Variants in MIA2 observed in about 807,000 individuals in gnomAD.
MIA2 encodes the protein MIA SH3 domain ER export factor 2, also known as melanoma inhibitory activity protein 2.
Under a neutral mutation model 167.8 loss-of-function variants are expected in MIA2, and 127 were observed. That is an observed-to-expected ratio of 0.76 (90% CI 0.66 to 0.88). MIA2 has a LOEUF of 0.88. MIA2 is among the 40% of genes least tolerant of loss of function. The pLI, the probability that MIA2 is intolerant of heterozygous loss-of-function variation, is 0.00. For synonymous variants in MIA2, 552 were observed against 541.9 expected, an observed-to-expected ratio of 1.02 and a Z score of -0.26; for missense variants, 1,690 against 1,624.7, an observed-to-expected ratio of 1.04 and a Z score of -0.69.
downstream of MIA2, among the ~76,000 whole-genome samples, chr14:39,352,381 C>G (rs1371118979): frequency 2.0e-5 from 3 of 151,732 alleles, no homozygotes; most frequent in Non-Finnish European, 2.9e-5. Context: ...TTTATCTTGT[C>G]TTTGGTTTTG....
chr14:39,337,439 AACTG>A (rs1385946260), intron 25 of MIA2, among the ~76,000 whole-genome samples: 2 of 152,202 alleles, frequency 1.3e-5, no homozygotes, highest in African/African-American at 2.4e-5. Context: ...AACAAGACCT[AACTG>A]ACATTTATAG....
intron 6 of MIA2, chr14:39,267,186 C>T: frequency 1.6e-6 from 2 of 1,225,172 alleles, no homozygotes; most frequent in African/African-American, 3.1e-5. Context: ...GTGGCGAGGA[C>T]AGGGTACGTC....
At chr14:39,336,365 CA>C (rs1319918680) in intron 25 of MIA2, among the ~76,000 whole-genome samples, 4 of 152,154 alleles carry the variant, frequency 2.6e-5, no homozygotes, top group Non-Finnish European at 5.9e-5. Flanking sequence ...GTTTTATTAG[CA>C]AGTATACACC....
At chr14:39,285,762 A>G (rs1398471582) in intron 9 of MIA2, among the ~76,000 whole-genome samples, 1 of 147,364 alleles carries the variant, frequency 6.8e-6, no homozygotes, top group African/African-American at 2.5e-5. Flanking sequence ...CTCACTTCTC[A>G]GACGGGGCGG....
intron 24 of MIA2, among the ~76,000 whole-genome samples, chr14:39,321,376 C>T (rs1036180049): frequency 7.2e-5 from 11 of 152,138 alleles, no homozygotes; most frequent in Non-Finnish European, 1.2e-4. Context: ...TGCAGTGGCG[C>T]GATCTTGGCT....
Position 39,327,021 on chromosome 14 carries a change from A to G in MIA2, c.3654A>G (p.Pro1218=). 6.6e-7 allele frequency: 1 copy of G among 1,512,582 alleles called. No homozygotes were observed. The highest frequency in any genetic ancestry group is 1.4e-5 in the South Asian group (1 of 73,074). 93.7% of individuals were successfully genotyped at this position (1,512,582 alleles called of 1,614,324 possible). ...DQDRRMMFPP[P]GQSYPDSALP... ...ACCGTAGGATGATGTTTCCTCCGCC[A>G]GGTATGTAAAGACAATAGTTATTAT... The change falls in exon 25 of 29, where the codon CCA becomes CCG. Residue 1218 remains proline, a splice_region_variant and synonymous_variant. Coordinates refer to ENST00000640607, the MANE Select transcript of MIA2 (RefSeq NM_001329214.4).
At chr14:39,252,369 A>C (rs901888309) in intron 4 of MIA2, among the ~76,000 whole-genome samples, 4 of 152,160 alleles carry the variant, frequency 2.6e-5, no homozygotes, top group African/African-American at 9.7e-5. Context: ...CTGGCTTTGA[A>C]AATGGAGGAT....
chr14:39,246,920 T>G lies in MIA2; in HGVS notation c.346T>G (p.Phe116Val), dbSNP rs1023233245. The G allele has an allele frequency of 1.3e-6, 2 of 1,507,044 alleles. No individual in the cohort carries two copies. Among genetic ancestry groups the G allele is most frequent in the African/African-American group, 2.8e-5 (2 of 71,462 alleles). The allele number at this position is 1,507,044 out of a possible 1,614,324, so 93.4% of individuals were successfully genotyped here. The change falls in exon 4 of 29, where the codon TTT becomes GTT. Residue 116 changes from phenylalanine (F) to valine (V), a missense_variant. By Grantham distance (50) the Phe-to-Val change is conservative. Transcript: ENST00000640607. ...EIQMSTKESD[F>V]LCLLGVSYTF... ...TATTTTTTCCTTTTAGGAATCTGAC[T>G]TTCTTTGTCTTCTTGGAGTAAGTTA...
chr14:39,248,072 T>C lies in MIA2; in HGVS notation c.1498T>C (p.Phe500Leu). 2 of 1,566,532 alleles carry C rather than the reference T, an allele frequency of 1.3e-6. No individual in the cohort carries two copies. Among genetic ancestry groups the C allele is most frequent in the Non-Finnish European group, 1.7e-6 (2 of 1,164,326 alleles). The change falls in exon 4 of 29, where the codon TTT becomes CTT. Residue 500 changes from phenylalanine to leucine, a missense_variant. Phe to Leu is a conservative substitution (Grantham distance 22). Coordinates refer to ENST00000640607, the MANE Select transcript of MIA2 (RefSeq NM_001329214.4). Reference sequence around the variant, plus strand: ...AATTGAAAATGAAGAAACTGGAGAATTTTCCATTGATAATTATCCCACAGA... The same window carrying C: ...AATTGAAAATGAAGAAACTGGAGAACTTTCCATTGATAATTATCCCACAGA... ...NVIENEETGE[F>L]SIDNYPTDNT...
chr14:39,293,879 G>T (rs1595181208), intron 11 of MIA2, 121 bp from the exon 12 acceptor site: 1 of 733,306 alleles, frequency 1.4e-6, no homozygotes, highest in Non-Finnish European at 2.3e-6. Context: ...AACTGAGAAG[G>T]TTTCTTAATT....
chr14:39,387,354 T>A (rs553751138), exon 24 of MIA2: 1 of 162,564 alleles, frequency 6.2e-6, no homozygotes, highest in Admixed American at 6.5e-5. Context: ...TTCCATGGAA[T>A]CCATGGAATG....
intron 23 of MIA2, among the ~76,000 whole-genome samples, chr14:39,365,664 TATCTATCTATCTATC>T (rs1567053090): frequency 5.3e-5 from 2 of 37,518 alleles, no homozygotes; most frequent in Non-Finnish European, 9.6e-5. Context: ...TCTATCTATC[TATCTATCTATCTATC>T]TATCTATCTA....
In MIA2 at chr14:39,366,603, G is replaced by A. The variant is rs533506356; in HGVS notation, c.2248+17626G>A. On this transcript the variant is annotated intron_variant, in intron 23 of 23. Coordinates refer to the MIA2 transcript ENST00000341502. Reference sequence around the variant, plus strand: ...GCACAGATGCCAGCAGTGGTGGATGGGTTGGGCTGATCCCCACGCCCTTGG... The same window carrying A: ...GCACAGATGCCAGCAGTGGTGGATGAGTTGGGCTGATCCCCACGCCCTTGG... Among the ~76,000 whole-genome samples, 6 of 152,294 alleles carry A rather than the reference G, an allele frequency of 3.9e-5. No homozygotes were observed. The East Asian group carries it at 9.7e-4, about 25-fold the overall frequency.
intron 2 of MIA2, among the ~76,000 whole-genome samples, chr14:39,238,852 T>C (rs1031975385): frequency 6.7e-6 from 1 of 148,482 alleles, no homozygotes; most frequent in African/African-American, 2.5e-5. Flanking sequence ...GCTTTTTATT[T>C]GGCCCGAAGC....
chr14:39,385,970 C>A, intron 23 of MIA2: 1 of 826,786 alleles, frequency 1.2e-6, no homozygotes, highest in Non-Finnish European at 2.1e-6. Flanking sequence ...GGAGCCTGTC[C>A]GCCACCATTT....
chr14:39,247,165 A>G lies in MIA2; in HGVS notation c.591A>G (p.Glu197=). ...IGSTSESKDW[E]EVVVESMEQD... ...GTACCAGTGAATCAAAAGACTGGGAAGAAGTAGTTGTTGAAAGTATGGAAC... is the reference window on the plus strand; with the variant it reads ...GTACCAGTGAATCAAAAGACTGGGAGGAAGTAGTTGTTGAAAGTATGGAAC... Residue 197 remains glutamate (E), a synonymous_variant, in exon 4 of 29, where the codon GAA becomes GAG. Coordinates refer to ENST00000640607, the MANE Select transcript of MIA2 (RefSeq NM_001329214.4). The G allele has an allele frequency of 6.2e-7, 1 of 1,614,138 alleles. No homozygotes were observed. Among genetic ancestry groups the G allele is most frequent in the Non-Finnish European group, 8.5e-7 (1 of 1,180,024 alleles).
At chr14:39,258,836 C>G (rs1395410227) in intron 6 of MIA2, among the ~76,000 whole-genome samples, 1 of 152,164 alleles carries the variant, frequency 6.6e-6, no homozygotes. Context: ...AACAGTCAGG[C>G]CCCTCTTCTG....
intron 25 of MIA2, among the ~76,000 whole-genome samples, chr14:39,336,742 A>C (rs1262862586): frequency 2.0e-5 from 3 of 152,106 alleles, no homozygotes; most frequent in African/African-American, 7.2e-5. Flanking sequence ...GTGATTTTAA[A>C]AATTTATTAA....
At chr14:39,318,329 G>T (rs992392772) in intron 22 of MIA2, among the ~76,000 whole-genome samples, 1 of 152,086 alleles carries the variant, frequency 6.6e-6, no homozygotes. Context: ...ACATAGTAAT[G>T]CCCAGAATAT....
Sources: gnomAD v4.1 joint callset for allele counts (sites outside exome capture counted in the v4.1 genomes callset) on GRCh38, gnomAD v4.1.1 for gene constraint, MANE v1.5 for transcripts, NCBI Gene and HGNC (gene_info 2026-07-23, HGNC 2026-07-21) for gene names.